The following ACADL variants were observed in gnomAD, a reference collection of about 807,000 sequenced individuals.
ACADL encodes the protein long-chain specific acyl-CoA dehydrogenase, mitochondrial.
A neutral mutation model predicts 56.9 loss-of-function variants in ACADL; 60 were observed. The ratio of observed to expected loss-of-function variants is 1.05; its 90% CI spans 0.86 to 1.31. The LOEUF (loss-of-function observed/expected upper bound fraction) is 1.31. ACADL is among the 50% of genes most tolerant of loss of function. The probability of loss-of-function intolerance (pLI) is 0.00; values close to 1 mark genes in which losing one functional copy is unlikely to be tolerated. For synonymous variants in ACADL, 158 were observed against 179.7 expected, an observed-to-expected ratio of 0.88 and a Z score of 0.97; for missense variants, 484 against 525.5, an observed-to-expected ratio of 0.92 and a Z score of 0.77.
At chr2:210,196,805 A>G (rs1046212369) in intron 8 of ACADL, among the ~76,000 whole-genome samples, 15 of 152,216 alleles carry the variant, frequency 9.9e-5, no homozygotes, top group Non-Finnish European at 8.8e-5. Context: ...CTAATAGCAT[A>G]TACATGGAAA....
chr2:210,204,676 C>T lies in ACADL; in HGVS notation c.775G>A (p.Ala259Thr), dbSNP rs779599855. The change falls in exon 7 of 11, where the codon GCA becomes ACA. Residue 259 changes from alanine (A) to threonine (T), a missense_variant. By Grantham distance (58) the Ala-to-Thr change is moderately conservative. Transcript: ENST00000233710. ...HKMGLKAQDT[A>T]ELFFEDIRLP... ...CGTATATCTTCAAAGAATAGTTCTG[C>T]GGTATCCTAAGAGACCATACAAAAA... 58 of 1,606,556 alleles carry T rather than the reference C, an allele frequency of 3.6e-5. No individual in the cohort carries two copies. The highest frequency in any genetic ancestry group is 3.2e-4 in the South Asian group (29 of 90,904).
Position 210,200,717 on chromosome 2 carries a change from A to T in ACADL, c.984+2614T>A, listed in dbSNP as rs567113735. ...TAGGATGTAAAGACTTTTTTTCAGG[A>T]TGGAAAAAGTTAATTTGATGACAAT... is the stretch of plus-strand genomic sequence containing the variant. On this transcript the variant is annotated intron_variant, in intron 8 of 10. Transcript: ENST00000233710. Among the ~76,000 whole-genome samples the T allele has an allele frequency of 2.6e-5, 4 of 152,236 alleles. No homozygotes were observed. The East Asian group carries it at 7.7e-4, about 29-fold the overall frequency.
chr2:210,203,742 CA>C (rs1191272918), intron 7 of ACADL, among the ~76,000 whole-genome samples: 1 of 152,132 alleles, frequency 6.6e-6, no homozygotes, highest in Non-Finnish European at 1.5e-5. Context: ...GTTGCACAAT[CA>C]TAGTTCATTA....
chr2:210,191,386 C>G (rs1688630550), intron 10 of ACADL, among the ~76,000 whole-genome samples: 1 of 152,162 alleles, frequency 6.6e-6, no homozygotes, highest in Admixed American at 6.5e-5. Context: ...CATCAATCTA[C>G]ATTGTTTGCT....
intron 1 of ACADL, chr2:210,224,503 GAC>G (rs1689233712): frequency 1.0e-6 from 1 of 985,184 alleles, no homozygotes; most frequent in Non-Finnish European, 1.2e-6. Flanking sequence ...TTATGCATCA[GAC>G]AGTATCTGAA....
At chr2:210,211,378 G>C (rs1364829421) in intron 4 of ACADL, among the ~76,000 whole-genome samples, 1 of 152,090 alleles carries the variant, frequency 6.6e-6, no homozygotes, top group South Asian at 2.1e-4. Context: ...CACATTACTT[G>C]TGTAATTTTT....
At chr2:210,201,860 T>TTCCTGGGAAAACTCAA (rs1688798221) in intron 8 of ACADL, among the ~76,000 whole-genome samples, 1 of 152,162 alleles carries the variant, frequency 6.6e-6, no homozygotes, top group Non-Finnish European at 1.5e-5. Flanking sequence ...AACCCTCAAG[T>TTCCTGGGAAAACTCAA]TCCTGGGAAA....
chr2:210,205,805 C>A lies in ACADL; in HGVS notation c.604-9G>T, dbSNP rs757538140. 1.1e-5 allele frequency: 17 copies of A among 1,613,666 alleles called. No individual in the cohort carries two copies. The highest frequency in any genetic ancestry group is 8.5e-7 in the Non-Finnish European group (1 of 1,179,786). ...CCATTACTGATGAACACCTGCAAAA[C>A]CCCAAGTACATTATTAATGCACCAT... On this transcript the variant is annotated splice_polypyrimidine_tract_variant and intron_variant, in intron 5 of 10. Coordinates refer to ENST00000233710, the MANE Select transcript of ACADL (RefSeq NM_001608.4).
At chr2:210,200,712 TC>T (rs1394981501) in intron 8 of ACADL, among the ~76,000 whole-genome samples, 1 of 152,186 alleles carries the variant, frequency 6.6e-6, no homozygotes, top group Non-Finnish European at 1.5e-5. Context: ...AGACTTTTTT[TC>T]AGGATGGAAA....
At chr2:210,211,909 C>A (rs1438579809) in intron 4 of ACADL, among the ~76,000 whole-genome samples, 1 of 149,742 alleles carries the variant, frequency 6.7e-6, no homozygotes, top group African/African-American at 2.5e-5. Flanking sequence ...TGGTTCATTG[C>A]AACCTCTGCC....
chr2:210,212,893 G>C (rs1463108980), intron 4 of ACADL, among the ~76,000 whole-genome samples: 2 of 152,210 alleles, frequency 1.3e-5, no homozygotes, highest in African/African-American at 2.4e-5. Flanking sequence ...AGAAAGGCCT[G>C]TTACAACATT....
chr2:210,197,136 A>G (rs1179429720), intron 8 of ACADL, among the ~76,000 whole-genome samples: 4 of 152,188 alleles, frequency 2.6e-5, no homozygotes, highest in African/African-American at 9.6e-5. Flanking sequence ...CAGATTCCTT[A>G]CAGGTATATC....
Position 210,216,357 on chromosome 2 carries a change from C to T in ACADL, c.526G>A (p.Gly176Arg), listed in dbSNP as rs949468130. ...TAAATATTAACTTACCTTCCAGCTC[C>T]AGGCTCTGTCATTGCTATTGCACCA... Reference protein sequence around the residue: ...CIGAIAMTEPGAGSDLQGIKT... With the variant: ...CIGAIAMTEPRAGSDLQGIKT... The change falls in exon 4 of 11, where the codon GGA (glycine) becomes AGA (arginine). Residue 176 changes from glycine to arginine, a missense_variant. Physicochemically the swap from Gly to Arg is moderately radical, Grantham distance 125 (BLOSUM62 -2). Transcript: ENST00000233710. 1.9e-6 allele frequency: 3 copies of T among 1,613,574 alleles called. No individual in the cohort carries two copies. In the East Asian group the frequency reaches 6.7e-5, roughly 36 times the overall value.
intron 3 of ACADL, among the ~76,000 whole-genome samples, chr2:210,216,944 A>G (rs1346744798): frequency 1.3e-5 from 2 of 152,088 alleles, no homozygotes; most frequent in Non-Finnish European, 2.9e-5. Context: ...ACCAAAAAAC[A>G]AAACAAAACA....
rs79652657 is a variant in ACADL, at chr2:210,222,810, A to G, written c.78-2008T>C. ...CCAGGACATGCAGGGGACCTTGACC[A>G]TTGTCCTGTTGCATCAAATAAACTA... On this transcript the variant is annotated intron_variant, in intron 1 of 10. Coordinates refer to ENST00000233710, the MANE Select transcript of ACADL (RefSeq NM_001608.4). Among the ~76,000 whole-genome samples, 691 of 152,284 alleles carry G rather than the reference A, an allele frequency of 4.5e-3. 17 individuals carry two copies. The East Asian group carries it at 0.076, about 17-fold the overall frequency.
intron 8 of ACADL, among the ~76,000 whole-genome samples, chr2:210,197,386 C>T (rs998943301): frequency 3.3e-5 from 5 of 152,072 alleles, no homozygotes; most frequent in Admixed American, 1.3e-4. Flanking sequence ...ATCTCCATTT[C>T]TATTCATCAT....
intron 10 of ACADL, among the ~76,000 whole-genome samples, chr2:210,190,791 G>A (rs1265085520): frequency 6.6e-6 from 1 of 152,058 alleles, no homozygotes; most frequent in Non-Finnish European, 1.5e-5. Context: ...ATAAACTAAT[G>A]TAGTTTAGTC....
intron 2 of ACADL, 151 bp downstream of exon 2, chr2:210,220,496 G>A (rs1223122948): frequency 4.6e-6 from 3 of 653,218 alleles, no homozygotes; most frequent in East Asian, 2.8e-5. Flanking sequence ...TAAGAATCCT[G>A]GGATCTTATA....
In ACADL at chr2:210,225,179, G is replaced by A. The variant is rs1689249452; in HGVS notation, c.77+8C>T. 2.6e-6 allele frequency: 4 copies of A among 1,530,560 alleles called. No individual in the cohort carries two copies. The South Asian group carries it at 4.8e-5, about 18-fold the overall frequency. The allele number at this position is 1,530,560 out of a possible 1,614,324, so 94.8% of individuals were successfully genotyped here. On this transcript the variant is annotated splice_region_variant and intron_variant, in intron 1 of 10. Transcript: ENST00000233710. ...CCTGCAGCCGCGGAAGTCCCGGCTG[G>A]CACTCACCGCGCGGCGGGCAGCTGG...
Sources: gnomAD v4.1 joint callset for allele counts (sites outside exome capture counted in the v4.1 genomes callset) on GRCh38, gnomAD v4.1.1 for gene constraint, MANE v1.5 for transcripts, NCBI Gene and HGNC (gene_info 2026-07-23, HGNC 2026-07-21) for gene names.